Variants in DCC observed in about 807,000 individuals in gnomAD.
DCC encodes DCC netrin 1 receptor, also known as netrin receptor DCC.
Under a neutral mutation model 172.5 loss-of-function variants are expected in DCC, and 58 were observed. The observed-to-expected ratio is 0.34, with a 90% confidence interval of 0.27 to 0.42. The LOEUF (loss-of-function observed/expected upper bound fraction) is 0.42, where lower values mean the gene tolerates loss of function less well. Among genes scored for constraint, DCC ranks in the 10% least tolerant of loss-of-function variants. The pLI, the probability that DCC is intolerant of heterozygous loss-of-function variation, is 1.00. For synonymous variants in DCC, 709 were observed against 644.5 expected (o/e 1.10, Z -1.52); for missense variants, 1,740 against 1,791.0 (o/e 0.97, Z 0.51).
At chr18:53,292,999 T>A (rs891999995) in intron 12 of DCC, among the ~76,000 whole-genome samples, 16 of 152,224 alleles carry the variant, frequency 1.1e-4, no homozygotes, top group Non-Finnish European at 2.9e-5. Flanking sequence ...ATCATGACAA[T>A]CGTGACATGG....
At chr18:53,529,391 A>C (rs1037518422) in intron 28 of DCC, among the ~76,000 whole-genome samples, 2 of 152,306 alleles carry the variant, frequency 1.3e-5, no homozygotes, top group Non-Finnish European at 2.9e-5. Context: ...CAGAGCTAGA[A>C]ATCATGGCTC....
chr18:52,797,570 A>AG (rs2037899571), intron 2 of DCC, among the ~76,000 whole-genome samples: 2 of 152,098 alleles, frequency 1.3e-5, no homozygotes, highest in Non-Finnish European at 2.9e-5. Flanking sequence ...TTGTTAATGG[A>AG]GGTTGTGGTA....
Position 53,316,617 on chromosome 18 carries a change from G to A in DCC, c.2054-5430G>A, listed in dbSNP as rs550339122. On this transcript the variant is annotated intron_variant, in intron 13 of 28. Transcript: ENST00000442544. ...ATGGAATGTTTTTCCATTTGTTTGT[G>A]TCCTTTCTTATTTCCTTGAGCAATG... 5.3e-5 allele frequency among the ~76,000 whole-genome samples: 8 copies of A among 152,114 alleles called. No individual in the cohort carries two copies. The South Asian group carries it at 1.5e-3, about 28-fold the overall frequency.
chr18:52,800,458 G>A (rs1408014883), intron 2 of DCC, among the ~76,000 whole-genome samples: 1 of 152,148 alleles, frequency 6.6e-6, no homozygotes, highest in East Asian at 1.9e-4. Flanking sequence ...ATCTTTCAAT[G>A]TGTTCTTTAT....
At chr18:52,947,787 C>T (rs1025155874) in intron 5 of DCC, among the ~76,000 whole-genome samples, 1 of 152,130 alleles carries the variant, frequency 6.6e-6, no homozygotes, top group Admixed American at 6.5e-5. Context: ...AGTCCATTCC[C>T]AGTGCAGGAC....
chr18:52,549,477 T>C (rs2032704528), intron 1 of DCC, among the ~76,000 whole-genome samples: 1 of 152,068 alleles, frequency 6.6e-6, no homozygotes, highest in African/African-American at 2.4e-5. Flanking sequence ...TTTGTCTTTG[T>C]ACCTCCTTCC....
intron 2 of DCC, among the ~76,000 whole-genome samples, chr18:52,818,815 G>A (rs2038351216): frequency 6.6e-6 from 1 of 152,180 alleles, no homozygotes; most frequent in Non-Finnish European, 1.5e-5. Flanking sequence ...GGGCATCAAA[G>A]CCATTTGGTG....
At chr18:52,664,766 C>T (rs144589809) in intron 1 of DCC, among the ~76,000 whole-genome samples, 2,190 of 152,208 alleles carry the variant, frequency 0.014, 52 homozygotes, top group African/African-American at 0.048. Flanking sequence ...CCACCGCGCC[C>T]GGCCCAGTGG....
chr18:53,149,537 A>G (rs933290980), intron 7 of DCC, among the ~76,000 whole-genome samples: 1 of 152,222 alleles, frequency 6.6e-6, no homozygotes, highest in Non-Finnish European at 1.5e-5. Context: ...CCACCTCGCC[A>G]AGCTGCCTGT....
intron 7 of DCC, among the ~76,000 whole-genome samples, chr18:53,104,765 C>A (rs1306820383): frequency 6.6e-6 from 1 of 152,022 alleles, no homozygotes; most frequent in Non-Finnish European, 1.5e-5. Context: ...TGGCCTTGAA[C>A]TTTCCCTTCT....
intron 1 of DCC, among the ~76,000 whole-genome samples, chr18:52,357,799 G>A (rs187236417): frequency 9.9e-5 from 15 of 151,962 alleles, no homozygotes; most frequent in East Asian, 5.8e-4. Flanking sequence ...TTAGCTGGGC[G>A]TGGTGGCGGG....
intron 2 of DCC, among the ~76,000 whole-genome samples, chr18:52,878,840 G>C (rs1289752650): frequency 6.6e-6 from 1 of 152,132 alleles, no homozygotes; most frequent in African/African-American, 2.4e-5. Flanking sequence ...AAAGGTGTTG[G>C]TCTCAAATAT....
chr18:53,402,211 C>G (rs1229640754), intron 18 of DCC, among the ~76,000 whole-genome samples: 1 of 151,874 alleles, frequency 6.6e-6, no homozygotes, highest in South Asian at 2.1e-4. Context: ...GCAACATAGA[C>G]CCATCTCTAC....
intron 1 of DCC, among the ~76,000 whole-genome samples, chr18:52,445,462 T>G (rs1007541228): frequency 5.0e-4 from 76 of 152,280 alleles, no homozygotes; most frequent in African/African-American, 1.8e-3. Flanking sequence ...GTAACAAAAT[T>G]TAAGCGACTG....
intron 22 of DCC, among the ~76,000 whole-genome samples, chr18:53,439,117 A>T (rs1332055267): frequency 5.3e-5 from 8 of 152,216 alleles, no homozygotes; most frequent in Admixed American, 5.2e-4. Flanking sequence ...AGAGCCAGGG[A>T]TGGTAGAGGC....
chr18:52,446,077 C>T (rs752568870), intron 1 of DCC, among the ~76,000 whole-genome samples: 4 of 152,130 alleles, frequency 2.6e-5, no homozygotes, highest in Admixed American at 6.5e-5. Context: ...GGACTACAGG[C>T]GCCCGCCACC....
intron 1 of DCC, among the ~76,000 whole-genome samples, chr18:52,639,949 G>A (rs1343615825): frequency 2.6e-5 from 4 of 152,118 alleles, no homozygotes; most frequent in Non-Finnish European, 5.9e-5. Context: ...GATGCACATA[G>A]ATGCTAAAAT....
chr18:53,505,578 A>C (rs2046162070), intron 27 of DCC, among the ~76,000 whole-genome samples: 1 of 152,218 alleles, frequency 6.6e-6, no homozygotes, highest in African/African-American at 2.4e-5. Context: ...AAGAATTGTT[A>C]GACCATATAT....
rs538607333 is a variant in DCC at position 52,661,004 on chromosome 18, G to C, written c.92-91050G>C. 5.1e-4 allele frequency among the ~76,000 whole-genome samples: 78 copies of C among 152,254 alleles called. 3 individuals are homozygous for C. In the South Asian group the frequency reaches 0.016, roughly 31 times the overall value. On this transcript the variant is annotated intron_variant, in intron 1 of 28. Coordinates refer to ENST00000442544, the MANE Select transcript of DCC (RefSeq NM_005215.4). ...CTATACCCTCGATGCCAACAAGACA[G>C]GAGGAAATATGGATAGGTTAACCCC...
Sources: allele counts gnomAD v4.1 joint callset (sites outside exome capture counted in the v4.1 genomes callset), GRCh38; gene constraint gnomAD v4.1.1; transcripts MANE v1.5; gene names NCBI Gene and HGNC (gene_info 2026-07-23, HGNC 2026-07-21).